The following RTL4 variants were observed in gnomAD, a reference collection of about 807,000 sequenced individuals.
The protein encoded by RTL4 is retrotransposon Gag-like protein 4.
In RTL4, 4 loss-of-function variants were observed where a neutral mutation model predicts 5.3. The ratio of observed to expected loss-of-function variants is 0.75; its 90% CI spans 0.37 to 1.72. RTL4 has a LOEUF of 1.72. Ranked by LOEUF, RTL4 falls within the 40% of genes most tolerant of loss-of-function variation. The probability of loss-of-function intolerance (pLI) is 0.04; values close to 1 mark genes in which losing one functional copy is unlikely to be tolerated. For synonymous variants in RTL4, 98 were observed against 87.3 expected, an observed-to-expected ratio of 1.12 and a Z score of -0.68; for missense variants, 260 against 227.1, an observed-to-expected ratio of 1.14 and a Z score of -0.93.
At chrX:112,174,799 T>C in the RTL4 span, among the ~76,000 whole-genome samples, 1 of 100,064 alleles carries the variant, frequency 1.0e-5, no homozygotes, top group African/African-American at 3.6e-5. Context: ...TGATATCTCA[T>C]TGTGGTTTTG....
At chrX:112,444,744 T>C in the RTL4 span, among the ~76,000 whole-genome samples, 1 of 111,930 alleles carries the variant, frequency 8.9e-6, no homozygotes, top group Non-Finnish European at 1.9e-5. Flanking sequence ...TCATAGGTTG[T>C]ATGTGTCTAC....
At chrX:112,379,303 T>C in the RTL4 span, among the ~76,000 whole-genome samples, 1 of 112,136 alleles carries the variant, frequency 8.9e-6, no homozygotes, top group Non-Finnish European at 1.9e-5. Context: ...TGTATTGTGT[T>C]GAAACCCTAA....
At chrX:112,360,875 C>A in the RTL4 span, among the ~76,000 whole-genome samples, 2 of 110,671 alleles carry the variant, frequency 1.8e-5, no homozygotes, top group Non-Finnish European at 3.8e-5. Context: ...AATTCATAAT[C>A]GTATGTCATA....
At chrX:112,158,592 A>G in the RTL4 span, among the ~76,000 whole-genome samples, 1 of 110,745 alleles carries the variant, frequency 9.0e-6, no homozygotes, top group Non-Finnish European at 1.9e-5. Flanking sequence ...TTTCCCAAAC[A>G]TCATACTAAA....
the RTL4 span, among the ~76,000 whole-genome samples, chrX:112,346,410 G>T: frequency 9.0e-6 from 1 of 111,378 alleles, no homozygotes; most frequent in Admixed American, 9.6e-5. Flanking sequence ...TGAGGGAAGG[G>T]CATACAGGAA....
chrX:112,161,819 TCC>T, the RTL4 span, among the ~76,000 whole-genome samples: 17 of 41,813 alleles, frequency 4.1e-4, no homozygotes, highest in Middle Eastern at 0.012. Flanking sequence ...CTTCCTTCCT[TCC>T]TTCCTTCCTT....
the RTL4 span, among the ~76,000 whole-genome samples, chrX:112,310,144 C>A: frequency 2.0e-5 from 2 of 102,272 alleles, no homozygotes; most frequent in Non-Finnish European, 3.9e-5. Flanking sequence ...TATGTTGAAG[C>A]CCTAACCTCC....
chrX:112,108,029 G>A, the RTL4 span, among the ~76,000 whole-genome samples: 19 of 110,343 alleles, frequency 1.7e-4, no homozygotes, highest in African/African-American at 4.9e-4. Flanking sequence ...ATCTTAATGT[G>A]TATTTTCAAA....
At chrX:112,198,438 T>C in the RTL4 span, among the ~76,000 whole-genome samples, 2 of 111,591 alleles carry the variant, frequency 1.8e-5, no homozygotes, top group Non-Finnish European at 3.8e-5. Flanking sequence ...GGCTCGAAGT[T>C]GGGAGAACTA....
At chrX:112,345,568 C>A in the RTL4 span, among the ~76,000 whole-genome samples, 4 of 111,481 alleles carry the variant, frequency 3.6e-5, no homozygotes, top group African/African-American at 1.3e-4. Context: ...ATTTAGCCTT[C>A]TGGGCCTTGA....
chrX:112,429,448 A>G, the RTL4 span, among the ~76,000 whole-genome samples: 1 of 111,331 alleles, frequency 9.0e-6, no homozygotes, highest in Admixed American at 9.6e-5. Context: ...CAAGTACCTT[A>G]TAATAACGAA....
the RTL4 span, among the ~76,000 whole-genome samples, chrX:112,254,928 G>A: frequency 1.8e-5 from 2 of 111,972 alleles, no homozygotes; most frequent in Non-Finnish European, 3.8e-5. Flanking sequence ...GTTTTATATG[G>A]AGTAAAGGAA....
the RTL4 span, among the ~76,000 whole-genome samples, chrX:112,327,374 C>G: frequency 2.2e-3 from 247 of 111,772 alleles, no homozygotes; most frequent in African/African-American, 7.1e-3. Flanking sequence ...AGCTTCAGGA[C>G]CTGATGCGAT....
chrX:112,232,645 A>C, the RTL4 span, among the ~76,000 whole-genome samples: 1 of 112,006 alleles, frequency 8.9e-6, no homozygotes, highest in African/African-American at 3.2e-5. Context: ...GCTGACTTTC[A>C]GTCACTTTTA....
At chrX:112,089,486 A>C in the RTL4 span, among the ~76,000 whole-genome samples, 1 of 111,105 alleles carries the variant, frequency 9.0e-6, no homozygotes, top group Non-Finnish European at 1.9e-5. Flanking sequence ...TCCCAGTATC[A>C]CTTGTTGAAG....
the RTL4 span, among the ~76,000 whole-genome samples, chrX:112,131,090 C>T: frequency 1.0e-4 from 11 of 109,773 alleles, no homozygotes; most frequent in Non-Finnish European, 1.9e-4. Flanking sequence ...TGAGCCACTG[C>T]GCCCTGCCTG....
the RTL4 span, among the ~76,000 whole-genome samples, chrX:112,116,953 C>T: frequency 1.8e-5 from 2 of 111,287 alleles, no homozygotes; most frequent in African/African-American, 6.5e-5. Context: ...TCACTAAAGG[C>T]CATACAAGGA....
At chrX:112,285,487 A>G in the RTL4 span, among the ~76,000 whole-genome samples, 9 of 111,811 alleles carry the variant, frequency 8.0e-5, no homozygotes, top group Admixed American at 8.6e-4. Flanking sequence ...TTGCATATAT[A>G]GAAGTATTGC....
the RTL4 span, among the ~76,000 whole-genome samples, chrX:112,206,359 T>G: frequency 9.0e-6 from 1 of 111,522 alleles, no homozygotes. Flanking sequence ...TGTAATTCAT[T>G]GCCCCTCCTC....
Sources: gnomAD v4.1 joint callset for allele counts (sites outside exome capture counted in the v4.1 genomes callset) on GRCh38, gnomAD v4.1.1 for gene constraint, MANE v1.5 for transcripts, NCBI Gene and HGNC (gene_info 2026-07-23, HGNC 2026-07-21) for gene names.